DACH2: variants seen among roughly 807,000 people sequenced by gnomAD.
DACH2 encodes the protein dachshund family transcription factor 2, also known as dachshund homolog 2.
A neutral mutation model predicts 35.8 loss-of-function variants in DACH2; 17 were observed. That is an observed-to-expected ratio of 0.48 (90% CI 0.33 to 0.71). The LOEUF is 0.71. DACH2 is among the 30% of genes least tolerant of loss of function. The pLI is 0.02. For synonymous variants in DACH2, 195 were observed against 177.3 expected (o/e 1.10, Z -0.79); for missense variants, 469 against 472.7 (o/e 0.99, Z 0.07).
At chrX:86,695,391 A>G (rs2041055659) in intron 5 of DACH2, among the ~76,000 whole-genome samples, 1 of 110,167 alleles carries the variant, frequency 9.1e-6, no homozygotes, top group Admixed American at 9.6e-5. Flanking sequence ...ATAAGGGTAC[A>G]TGGGAGGTAC....
intron 6 of DACH2, among the ~76,000 whole-genome samples, chrX:86,729,034 AT>A (rs1166335035): frequency 4.5e-5 from 5 of 111,990 alleles, no homozygotes; most frequent in African/African-American, 1.6e-4. Flanking sequence ...AGACCCCAGA[AT>A]GGTAGATCCC....
chrX:86,591,308 C>T (rs761398266), intron 3 of DACH2, among the ~76,000 whole-genome samples: 23 of 111,572 alleles, frequency 2.1e-4, no homozygotes. Flanking sequence ...TTTATAGCAG[C>T]ACGATTTATA....
intron 5 of DACH2, among the ~76,000 whole-genome samples, chrX:86,702,233 G>C (rs1787923056): frequency 9.0e-6 from 1 of 110,810 alleles, no homozygotes; most frequent in Non-Finnish European, 1.9e-5. Context: ...GAATGATAAT[G>C]GTGACACAAG....
intron 2 of DACH2, among the ~76,000 whole-genome samples, chrX:86,500,598 A>G (rs1476184392): frequency 2.7e-5 from 3 of 111,904 alleles, no homozygotes; most frequent in Admixed American, 1.9e-4. Context: ...TTTATCTGGA[A>G]CACAACTTAT....
At chrX:86,429,465 AGTT>A (rs749202012) in intron 2 of DACH2, among the ~76,000 whole-genome samples, 119 of 112,108 alleles carry the variant, frequency 1.1e-3, no homozygotes, top group African/African-American at 3.7e-3. Context: ...AGGATGAAGA[AGTT>A]GTCACCGTTA....
intron 1 of DACH2, among the ~76,000 whole-genome samples, chrX:86,289,688 T>A (rs1289001500): frequency 9.5e-6 from 1 of 105,798 alleles, no homozygotes; most frequent in Non-Finnish European, 1.9e-5. Context: ...TTTTTCTTCT[T>A]GCGATAGTTT....
intron 1 of DACH2, among the ~76,000 whole-genome samples, chrX:86,268,740 G>A (rs1056422512): frequency 1.0e-4 from 11 of 109,577 alleles, no homozygotes; most frequent in African/African-American, 3.0e-4. Flanking sequence ...CGCCATGTTG[G>A]CCAGGCTGGT....
intron 1 of DACH2, among the ~76,000 whole-genome samples, chrX:86,313,196 T>C (rs140816169): frequency 0.025 from 2,826 of 111,219 alleles, 84 homozygotes; most frequent in African/African-American, 0.088. Context: ...TAAAAACTCA[T>C]ATTAAAAATC....
At chrX:86,161,166 C>A (rs10126219) in intron 1 of DACH2, 103,215 of 1,152,284 alleles carry the variant, frequency 0.09, 5,046 homozygotes, top group African/African-American at 0.32. Flanking sequence ...TCTCTTCTGG[C>A]TGCAGGGTGG....
At chrX:86,587,792 T>C (rs142394785) in intron 3 of DACH2, among the ~76,000 whole-genome samples, 85 of 112,072 alleles carry the variant, frequency 7.6e-4, no homozygotes, top group African/African-American at 2.6e-3. Flanking sequence ...ATGCATAGTT[T>C]GCAAATATTT....
At chrX:86,508,500 C>T (rs2038355772) in intron 2 of DACH2, among the ~76,000 whole-genome samples, 1 of 109,863 alleles carries the variant, frequency 9.1e-6, no homozygotes, top group Non-Finnish European at 1.9e-5. Flanking sequence ...GCAGAGGTTG[C>T]AGTGGGTTGA....
intron 1 of DACH2, among the ~76,000 whole-genome samples, chrX:86,276,722 G>A (rs2033923271): frequency 8.9e-6 from 1 of 112,066 alleles, no homozygotes; most frequent in Admixed American, 9.5e-5. Flanking sequence ...AAGAGATAGA[G>A]ATCTGGTTTC....
At chrX:86,650,944 T>G in intron 3 of DACH2, 92 bp from the exon 4 acceptor site, 1 of 815,757 alleles carries the variant, frequency 1.2e-6, no homozygotes, top group South Asian at 2.9e-5. Flanking sequence ...TATTTTCATG[T>G]GAAAAGCCTG....
intron 1 of DACH2, among the ~76,000 whole-genome samples, chrX:86,177,043 C>T (rs1034765256): frequency 4.5e-5 from 5 of 111,734 alleles, no homozygotes; most frequent in African/African-American, 1.6e-4. Flanking sequence ...CATTTTGATA[C>T]AGGCGTACAA....
chrX:86,493,190 C>T (rs73631954), intron 2 of DACH2, among the ~76,000 whole-genome samples: 1,303 of 110,766 alleles, frequency 0.012, 19 homozygotes, highest in African/African-American at 0.04. Flanking sequence ...AAGATGGCAT[C>T]TCCTTGTGGT....
Position 86,520,191 on chromosome X carries a change from A to T in DACH2, c.640+5800A>T, listed in dbSNP as rs1056191577. Among the ~76,000 whole-genome samples, 83 of 111,747 alleles carry T rather than the reference A, an allele frequency of 7.4e-4. 1 individual carries two copies. The highest frequency in any genetic ancestry group is 4.2e-3 in the East Asian group (15 of 3,557). ...AAAGTCATTCAGGAGCATGTTGCTTAATTCCCATGTAATTGTATGGTTTTG... is the reference window on the plus strand; with the variant it reads ...AAAGTCATTCAGGAGCATGTTGCTTTATTCCCATGTAATTGTATGGTTTTG... On this transcript the variant is annotated intron_variant, in intron 3 of 11. Transcript: ENST00000373125.
intron 1 of DACH2, among the ~76,000 whole-genome samples, chrX:86,310,486 G>A (rs926098132): frequency 3.6e-5 from 4 of 111,399 alleles, no homozygotes; most frequent in African/African-American, 9.8e-5. Flanking sequence ...CGATATGCAG[G>A]CACCACCCAA....
At chrX:86,718,991 A>G (rs1298440571) in intron 6 of DACH2, among the ~76,000 whole-genome samples, 2 of 111,785 alleles carry the variant, frequency 1.8e-5, no homozygotes, top group African/African-American at 6.5e-5. Flanking sequence ...GATTTTGAGG[A>G]TAGTATTTTC....
chrX:86,746,878 T>C (rs1377946758), intron 7 of DACH2, among the ~76,000 whole-genome samples: 1 of 111,392 alleles, frequency 9.0e-6, no homozygotes, highest in African/African-American at 3.3e-5. Context: ...AGTTAATTTT[T>C]GTTGTGTTAG....
Sources: allele counts gnomAD v4.1 joint callset (sites outside exome capture counted in the v4.1 genomes callset), GRCh38; gene constraint gnomAD v4.1.1; transcripts MANE v1.5; gene names NCBI Gene and HGNC (gene_info 2026-07-23, HGNC 2026-07-21).